The following SPRED2 variants were observed in gnomAD, a reference collection of about 807,000 sequenced individuals.
The protein encoded by SPRED2 is sprouty related EVH1 domain containing 2, also known as sprouty-related, EVH1 domain-containing protein 2.
In SPRED2, 47 loss-of-function variants were observed where a neutral mutation model predicts 43.0. The observed-to-expected ratio is 1.09, with a 90% CI of 0.87 to 1.40. SPRED2 has a LOEUF of 1.40. Among genes scored for constraint, SPRED2 ranks in the 40% most tolerant of loss-of-function variants. The pLI, the probability that SPRED2 is intolerant of heterozygous loss-of-function variation, is 0.00. For missense variants in SPRED2, 561 were observed against 586.4 expected (o/e 0.96, Z 0.45); for synonymous variants, 225 against 225.7 (o/e 1.00, Z 0.03).
At chr2:65,398,813 T>C (rs1160335708) in intron 1 of SPRED2, among the ~76,000 whole-genome samples, 1 of 152,142 alleles carries the variant, frequency 6.6e-6, no homozygotes, top group Non-Finnish European at 1.5e-5. Context: ...AGTGTGGAGA[T>C]TCCTTAAAGA....
intron 1 of SPRED2, among the ~76,000 whole-genome samples, chr2:65,406,649 T>C (rs1676029883): frequency 6.6e-6 from 1 of 152,218 alleles, no homozygotes; most frequent in Admixed American, 6.5e-5. Flanking sequence ...AGAAAGCAAC[T>C]CACACTTCAC....
At chr2:65,417,640 G>A (rs1302568358) in intron 1 of SPRED2, among the ~76,000 whole-genome samples, 2 of 152,172 alleles carry the variant, frequency 1.3e-5, no homozygotes, top group Non-Finnish European at 2.9e-5. Context: ...TGTCATGAAT[G>A]TTTAACACAG....
chr2:65,429,002 G>C (rs1029512033), intron 1 of SPRED2, among the ~76,000 whole-genome samples: 4 of 152,092 alleles, frequency 2.6e-5, no homozygotes, highest in African/African-American at 9.7e-5. Context: ...TGTGGAGGGG[G>C]GACGAAAGAG....
intron 4 of SPRED2, among the ~76,000 whole-genome samples, chr2:65,319,310 G>T (rs1014596824): frequency 6.6e-6 from 1 of 152,178 alleles, no homozygotes; most frequent in Admixed American, 6.5e-5. Context: ...AAGCAATATA[G>T]AGAGACTTTT....
At chr2:65,431,048 G>A (rs2103828157) in intron 1 of SPRED2, among the ~76,000 whole-genome samples, 1 of 151,970 alleles carries the variant, frequency 6.6e-6, no homozygotes, top group African/African-American at 2.4e-5. Flanking sequence ...CTGGACCCCT[G>A]GACCGCGAGG....
Position 65,391,230 on chromosome 2 carries a change from G to A in SPRED2, c.26+40732C>T, listed in dbSNP as rs1376659967. ...CACACACACACACACACACACACAC[G>A]AATCATTAATTGTCCAGAGTAGGAC... On this transcript the variant is annotated intron_variant, in intron 1 of 5. Transcript: ENST00000356388. Among the ~76,000 whole-genome samples, 11 of 86,018 alleles carry A rather than the reference G, an allele frequency of 1.3e-4. No individual in the cohort carries two copies. In the South Asian group the frequency reaches 1.8e-3, roughly 14 times the overall value. The allele number at this position is 86,018 out of a possible 152,430, so 56.4% of individuals were successfully genotyped here.
intron 1 of SPRED2, among the ~76,000 whole-genome samples, chr2:65,385,468 C>T (rs563545197): frequency 6.6e-6 from 1 of 152,290 alleles, no homozygotes; most frequent in South Asian, 2.1e-4. Flanking sequence ...ACAAAGGCTG[C>T]CCATGTTGTC....
chr2:65,372,069 T>C (rs1675137319), intron 1 of SPRED2, among the ~76,000 whole-genome samples: 1 of 150,404 alleles, frequency 6.6e-6, no homozygotes, highest in African/African-American at 2.5e-5. Context: ...CGAGACTGTC[T>C]CAAAAAAGAA....
intron 2 of SPRED2, among the ~76,000 whole-genome samples, chr2:65,340,598 TTAAATA>T (rs1422437740): frequency 6.6e-6 from 1 of 152,224 alleles, no homozygotes; most frequent in African/African-American, 2.4e-5. Flanking sequence ...AAATTTTAAT[TTAAATA>T]TAATTTCTCA....
At chr2:65,355,632 C>T (rs1298961724) in intron 1 of SPRED2, among the ~76,000 whole-genome samples, 3 of 152,078 alleles carry the variant, frequency 2.0e-5, no homozygotes, top group African/African-American at 2.4e-5. Context: ...GTTCAAGAAT[C>T]GCTTGAACCT....
intron 2 of SPRED2, 112 bp from the exon 3 acceptor site, chr2:65,334,885 A>C: frequency 9.5e-7 from 1 of 1,050,184 alleles, no homozygotes; most frequent in Non-Finnish European, 1.4e-6. Flanking sequence ...AACCCCTCTA[A>C]CCCCTGCCTT....
chr2:65,332,125 T>C, intron 3 of SPRED2, 74 bp from the exon 4 acceptor site: 1 of 983,646 alleles, frequency 1.0e-6, no homozygotes, highest in Admixed American at 2.5e-5. Context: ...AAAAAGTATA[T>C]TTTAATAAAA....
intron 1 of SPRED2, among the ~76,000 whole-genome samples, chr2:65,397,957 C>T (rs1675796519): frequency 6.6e-6 from 1 of 152,182 alleles, no homozygotes; most frequent in African/African-American, 2.4e-5. Flanking sequence ...AAGAACAAAT[C>T]TGGAGGCAAC....
In SPRED2 at chr2:65,314,528, G is replaced by A. The variant is rs1225417715; in HGVS notation, c.589-359C>T. On this transcript the variant is annotated intron_variant, in intron 5 of 5. Coordinates refer to ENST00000356388, the MANE Select transcript of SPRED2 (RefSeq NM_181784.3). Reference sequence around the variant, plus strand: ...GGAGCATGGCACACTCAGATCAAGAGGCAGAACAGGACCTGTGCCCCAGAG... The same window carrying A: ...GGAGCATGGCACACTCAGATCAAGAAGCAGAACAGGACCTGTGCCCCAGAG... Among the ~76,000 whole-genome samples the A allele has an allele frequency of 2.0e-5, 3 of 152,194 alleles. 1 individual carries two copies. In the South Asian group the frequency reaches 6.2e-4, roughly 31 times the overall value.
intron 1 of SPRED2, among the ~76,000 whole-genome samples, chr2:65,388,678 G>T (rs1675561529): frequency 6.6e-6 from 1 of 151,970 alleles, no homozygotes; most frequent in Non-Finnish European, 1.5e-5. Context: ...AAGCAGGAGG[G>T]GGGTGGTGAA....
chr2:65,336,698 T>C (rs1299138060), intron 2 of SPRED2, among the ~76,000 whole-genome samples: 1 of 152,234 alleles, frequency 6.6e-6, no homozygotes, highest in Non-Finnish European at 1.5e-5. Flanking sequence ...AATAAACTTT[T>C]TGTATTCTAA....
downstream of SPRED2, among the ~76,000 whole-genome samples, chr2:65,307,327 T>C (rs1004975561): frequency 1.3e-5 from 2 of 152,116 alleles, no homozygotes; most frequent in South Asian, 2.1e-4. Flanking sequence ...TCCTGAGTAG[T>C]TGCGATTACA....
At chr2:65,307,953 C>A (rs1027015973), downstream of SPRED2, among the ~76,000 whole-genome samples, 4 of 152,180 alleles carry the variant, frequency 2.6e-5, no homozygotes, top group African/African-American at 9.6e-5. Flanking sequence ...ACCCCCCGCC[C>A]CCCCCATTCA....
intron 2 of SPRED2, among the ~76,000 whole-genome samples, chr2:65,337,039 C>G (rs531942863): frequency 2.0e-5 from 3 of 151,948 alleles, no homozygotes; most frequent in Non-Finnish European, 4.4e-5. Flanking sequence ...ACCCGGGAGG[C>G]GGAGCTTGCA....
Sources: gnomAD v4.1 joint callset for allele counts (sites outside exome capture counted in the v4.1 genomes callset) on GRCh38, gnomAD v4.1.1 for gene constraint, MANE v1.5 for transcripts, NCBI Gene and HGNC (gene_info 2026-07-23, HGNC 2026-07-21) for gene names.